AFAP1: variants seen among roughly 807,000 people sequenced by gnomAD.
AFAP1 encodes actin filament associated protein 1, also known as actin filament-associated protein 1.
Under a neutral mutation model 93.9 loss-of-function variants are expected in AFAP1, and 75 were observed. That is an observed-to-expected ratio of 0.80 (90% CI 0.66 to 0.97). The LOEUF (loss-of-function observed/expected upper bound fraction) is 0.97. AFAP1 is among the 50% of genes least tolerant of loss of function. The pLI is 0.00. For synonymous variants in AFAP1, 517 were observed against 430.7 expected (o/e 1.20, Z -2.48); for missense variants, 1,201 against 1,050.8 (o/e 1.14, Z -1.98).
chr4:7,763,608 G>T lies in AFAP1; in HGVS notation c.*157C>A, dbSNP rs927104340. The T allele has an allele frequency of 7.0e-6, 5 of 709,456 alleles. No individual in the cohort carries two copies. Among genetic ancestry groups the T allele is most frequent in the African/African-American group, 1.8e-5 (1 of 55,174 alleles). The allele number at this position is 709,456 out of a possible 1,614,324, so 43.9% of individuals were successfully genotyped here. A position where few individuals can be genotyped will look rare whatever the true frequency, so the allele number is the denominator to read the frequency against. On this transcript the variant is annotated 3_prime_UTR_variant, in exon 18 of 18. Coordinates refer to ENST00000420658, the MANE Select transcript of AFAP1 (RefSeq NM_001134647.2). ...ATTTTACAGTAGAAAGAATACAAGT[G>T]GGCCTGGGGGACAGGCACTGGCCTC...
At chr4:7,811,695 C>T (rs992639960) in intron 8 of AFAP1, among the ~76,000 whole-genome samples, 6 of 152,118 alleles carry the variant, frequency 3.9e-5, no homozygotes, top group Admixed American at 6.5e-5. Context: ...TGTGAAGGCG[C>T]GGGAGGGGAG....
intron 5 of AFAP1, among the ~76,000 whole-genome samples, chr4:7,841,357 C>A (rs1402117282): frequency 6.6e-6 from 1 of 152,180 alleles, no homozygotes; most frequent in South Asian, 2.1e-4. Flanking sequence ...GGGCTCTAGG[C>A]CCCTCTTCAA....
At chr4:7,780,263 A>T (rs754874340) in intron 13 of AFAP1, among the ~76,000 whole-genome samples, 98 of 152,222 alleles carry the variant, frequency 6.4e-4, no homozygotes, top group Non-Finnish European at 1.1e-3. Flanking sequence ...CAGGGATGGG[A>T]TCTGAACAAC....
intron 6 of AFAP1, among the ~76,000 whole-genome samples, chr4:7,823,347 G>A (rs957039706): frequency 1.1e-4 from 17 of 152,268 alleles, no homozygotes; most frequent in African/African-American, 2.4e-4. Context: ...GGAAAGAAAC[G>A]TAGGCCATCA....
chr4:7,808,887 G>C (rs1719761952), intron 9 of AFAP1, among the ~76,000 whole-genome samples: 1 of 152,238 alleles, frequency 6.6e-6, no homozygotes, highest in East Asian at 1.9e-4. Context: ...ACGAGTAAAA[G>C]CTTCCTGAGG....
intron 1 of AFAP1, among the ~76,000 whole-genome samples, chr4:7,896,253 T>A (rs34181918): frequency 6.6e-6 from 1 of 151,778 alleles, no homozygotes; most frequent in East Asian, 1.9e-4. Flanking sequence ...TTAAAAGAGG[T>A]TTTTTACATA....
chr4:7,830,980 G>T (rs1226701016), intron 6 of AFAP1, among the ~76,000 whole-genome samples: 2 of 152,114 alleles, frequency 1.3e-5, no homozygotes, highest in Non-Finnish European at 2.9e-5. Context: ...GACTTAAATA[G>T]GGGAGGCATG....
chr4:7,904,316 C>T (rs1719279908), intron 1 of AFAP1, among the ~76,000 whole-genome samples: 1 of 152,020 alleles, frequency 6.6e-6, no homozygotes, highest in African/African-American at 2.4e-5. Flanking sequence ...CAGACAGGTC[C>T]TTTGTTCTTT....
intron 7 of AFAP1, among the ~76,000 whole-genome samples, chr4:7,816,427 T>G (rs1353031160): frequency 6.6e-6 from 1 of 152,250 alleles, no homozygotes; most frequent in Non-Finnish European, 1.5e-5. Flanking sequence ...ACAAAAAATA[T>G]TTCCCTCACC....
intron 6 of AFAP1, among the ~76,000 whole-genome samples, chr4:7,835,938 T>C (rs1712243473): frequency 6.6e-6 from 1 of 152,130 alleles, no homozygotes; most frequent in Admixed American, 6.5e-5. Context: ...AATAAACTAA[T>C]TTTGGAGCGC....
chr4:7,924,178 C>T (rs969665958), intron 1 of AFAP1, among the ~76,000 whole-genome samples: 7 of 152,160 alleles, frequency 4.6e-5, no homozygotes, highest in Non-Finnish European at 7.4e-5. Flanking sequence ...GGTTTTGCCA[C>T]CAAAAAAGCT....
At chr4:7,870,955 TAAAAGA>T (rs1306765193) in intron 2 of AFAP1, among the ~76,000 whole-genome samples, 5 of 152,142 alleles carry the variant, frequency 3.3e-5, no homozygotes, top group Non-Finnish European at 7.4e-5. Flanking sequence ...TAAAGAGGTT[TAAAAGA>T]AAAATCCTCC....
At chr4:7,802,538 C>T (rs7376483) in intron 9 of AFAP1, among the ~76,000 whole-genome samples, 33,925 of 152,078 alleles carry the variant, frequency 0.22, 4,928 homozygotes, top group East Asian at 0.75. Context: ...TTAAAGACGG[C>T]AGATAAAGAG....
chr4:7,883,711 T>C (rs764136969), intron 1 of AFAP1, among the ~76,000 whole-genome samples: 2 of 152,176 alleles, frequency 1.3e-5, no homozygotes, highest in Non-Finnish European at 2.9e-5. Flanking sequence ...TCAGCACCCA[T>C]TTATAAAACA....
intron 9 of AFAP1, among the ~76,000 whole-genome samples, chr4:7,802,533 G>A (rs965467205): frequency 2.6e-5 from 4 of 152,158 alleles, no homozygotes; most frequent in African/African-American, 9.7e-5. Flanking sequence ...GGGAGTTAAA[G>A]ACGGCAGATA....
At chr4:7,872,197 C>G in intron 1 of AFAP1, 117 bp from the exon 2 acceptor site, 1 of 1,325,154 alleles carries the variant, frequency 7.5e-7, no homozygotes, top group Non-Finnish European at 1.0e-6. Context: ...ATATAGTATT[C>G]TGACCTAAAA....
intron 16 of AFAP1, among the ~76,000 whole-genome samples, chr4:7,770,346 C>T (rs1252260146): frequency 6.6e-6 from 1 of 152,084 alleles, no homozygotes; most frequent in Non-Finnish European, 1.5e-5. Context: ...CCGAAGGGCA[C>T]CGGAACCGGG....
At chr4:7,904,410 C>T (rs184800602) in intron 1 of AFAP1, among the ~76,000 whole-genome samples, 7 of 152,264 alleles carry the variant, frequency 4.6e-5, no homozygotes, top group African/African-American at 9.6e-5. Flanking sequence ...CCATGAGTAA[C>T]GCCAGTGATA....
intron 3 of AFAP1, among the ~76,000 whole-genome samples, chr4:7,858,991 C>G (rs1715379641): frequency 6.6e-6 from 1 of 152,164 alleles, no homozygotes; most frequent in African/African-American, 2.4e-5. Flanking sequence ...AATGGCAGCC[C>G]CACACACCAC....
Sources: allele counts gnomAD v4.1 joint callset (sites outside exome capture counted in the v4.1 genomes callset), GRCh38; gene constraint gnomAD v4.1.1; transcripts MANE v1.5; gene names NCBI Gene and HGNC (gene_info 2026-07-23, HGNC 2026-07-21).